The following ORC2 variants were observed in gnomAD, a reference collection of about 807,000 sequenced individuals.
ORC2 encodes origin recognition complex subunit 2.
In ORC2, 37 loss-of-function variants were observed where a neutral mutation model predicts 77.7. The observed-to-expected ratio is 0.48, with a 90% confidence interval of 0.37 to 0.63. The LOEUF (loss-of-function observed/expected upper bound fraction) is 0.63, where lower values mean the gene tolerates loss of function less well. Among genes scored for constraint, ORC2 ranks in the 20% least tolerant of loss-of-function variants. ORC2 has a pLI of 0.00. For synonymous variants in ORC2, 201 were observed against 229.5 expected (o/e 0.88, Z 1.12); for missense variants, 557 against 661.9 (o/e 0.84, Z 1.74).
intron 17 of ORC2, among the ~76,000 whole-genome samples, chr2:200,912,587 CTT>C (rs1000370041): frequency 6.9e-6 from 1 of 145,546 alleles, no homozygotes; most frequent in African/African-American, 2.5e-5. Flanking sequence ...ACAACCAGCT[CTT>C]TTTTTTTTTT....
chr2:200,931,921 C>T (rs1432653128), intron 10 of ORC2, among the ~76,000 whole-genome samples: 1 of 152,148 alleles, frequency 6.6e-6, no homozygotes, highest in Non-Finnish European at 1.5e-5. Flanking sequence ...GTACCCCAAA[C>T]TTGGAAATTC....
intron 10 of ORC2, among the ~76,000 whole-genome samples, chr2:200,932,004 G>A (rs968856189): frequency 6.6e-6 from 1 of 152,086 alleles, no homozygotes. Context: ...CTTCACTTTG[G>A]CACTACCATG....
chr2:200,938,011 A>G lies in ORC2; in HGVS notation c.454-45T>C, dbSNP rs1575169605. ...GCATTAAATAATAACATGGAAATTA[A>G]TGACTGATCTGAGTGAAAGAGGCTA... On this transcript the variant is annotated intron_variant, in intron 7 of 17. Coordinates refer to ENST00000234296, the MANE Select transcript of ORC2 (RefSeq NM_006190.5). 2.2e-6 allele frequency: 3 copies of G among 1,357,388 alleles called. No individual in the cohort carries two copies. The East Asian group carries it at 6.9e-5, about 31-fold the overall frequency. The allele number at this position is 1,357,388 out of a possible 1,614,324, so 84.1% of individuals were successfully genotyped here. A position where few individuals can be genotyped will look rare whatever the true frequency, so the allele number is the denominator to read the frequency against.
Position 200,913,399 on chromosome 2 carries a change from C to A in ORC2, c.1543G>T (p.Asp515Tyr). The A allele has an allele frequency of 6.3e-7, 1 of 1,590,120 alleles. No individual in the cohort carries two copies. The highest frequency in any genetic ancestry group is 1.1e-5 in the South Asian group (1 of 90,636). Residue 515 changes from aspartate to tyrosine, a missense_variant, in exon 17 of 18, where the codon GAT (aspartate) becomes TAT (tyrosine). Coordinates refer to ENST00000234296, the MANE Select transcript of ORC2 (RefSeq NM_006190.5). Reference sequence around the variant, plus strand: ...GCCTCCCGACACTGCTGGTAAAAATCTTGAAAAGAAAGGCCTGGCAAGTTC... The same window carrying A: ...GCCTCCCGACACTGCTGGTAAAAATATTGAAAAGAAAGGCCTGGCAAGTTC... ...NPSYIGLSFQ[D>Y]FYQQCREAFL...
intron 13 of ORC2, chr2:200,921,794 AC>A (rs2040767214): frequency 6.6e-6 from 1 of 151,826 alleles, no homozygotes; most frequent in Admixed American, 6.6e-5. Context: ...GTACCACCAC[AC>A]CTAGCTGATT....
chr2:200,963,647 G>T lies in ORC2; in HGVS notation c.-217C>A. On this transcript the variant is annotated 5_prime_UTR_variant, in exon 1 of 18. Transcript: ENST00000234296. Reference sequence around the variant, plus strand: ...ACCGGGGAGGTAAGGAGCACCGGAGGCCAGCTGGGGGATGGGAAGCCTGCG... The same window carrying T: ...ACCGGGGAGGTAAGGAGCACCGGAGTCCAGCTGGGGGATGGGAAGCCTGCG... 1 of 398,552 alleles carries T rather than the reference G, an allele frequency of 2.5e-6. No individual in the cohort carries two copies. The highest frequency in any genetic ancestry group is 3.6e-5 in the East Asian group (1 of 28,052). 24.7% of individuals were successfully genotyped at this position (398,552 alleles called of 1,614,324 possible).
chr2:200,945,181 T>C (rs1291434080), intron 5 of ORC2, among the ~76,000 whole-genome samples: 1 of 152,258 alleles, frequency 6.6e-6, no homozygotes, highest in Non-Finnish European at 1.5e-5. Flanking sequence ...TGTACAGTTT[T>C]TATTCTTTTC....
chr2:200,918,598 C>T (rs2040700449), intron 15 of ORC2, among the ~76,000 whole-genome samples: 1 of 151,278 alleles, frequency 6.6e-6, no homozygotes, highest in Admixed American at 6.6e-5. Flanking sequence ...AAGCGATTCT[C>T]CCACTTCAGC....
At chr2:200,943,820 CT>C (rs2041199023) in intron 5 of ORC2, among the ~76,000 whole-genome samples, 1 of 141,630 alleles carries the variant, frequency 7.1e-6, no homozygotes, top group African/African-American at 2.6e-5. Flanking sequence ...TTTTTTTAAT[CT>C]TCCCTTGATA....
At chr2:200,954,983 T>C (rs2041442063) in intron 4 of ORC2, among the ~76,000 whole-genome samples, 5 of 152,156 alleles carry the variant, frequency 3.3e-5, no homozygotes, top group Admixed American at 1.3e-4. Flanking sequence ...TCTCAGGCCT[T>C]TGAGGATGCC....
chr2:200,911,454 AG>A (rs1463892749), intron 17 of ORC2, 67 bp from the exon 18 acceptor site: 2 of 828,180 alleles, frequency 2.4e-6, no homozygotes, highest in Non-Finnish European at 1.9e-6. Context: ...TCTATTGTAG[AG>A]GCTAAAGAAA....
intron 15 of ORC2, among the ~76,000 whole-genome samples, chr2:200,915,643 GT>G (rs2040634898): frequency 1.3e-5 from 2 of 151,962 alleles, no homozygotes. Context: ...AATTTTCATT[GT>G]TATGCAGGTC....
intron 4 of ORC2, among the ~76,000 whole-genome samples, chr2:200,955,143 CAACA>C (rs2041444998): frequency 6.6e-6 from 1 of 152,164 alleles, no homozygotes; most frequent in South Asian, 2.1e-4. Flanking sequence ...TGAATTTCTA[CAACA>C]AACATACTAC....
At chr2:200,947,647 C>T (rs546392550) in intron 5 of ORC2, among the ~76,000 whole-genome samples, 1 of 152,160 alleles carries the variant, frequency 6.6e-6, no homozygotes, top group Non-Finnish European at 1.5e-5. Flanking sequence ...TTTCAAAGTG[C>T]TTTCACATAT....
chr2:200,914,465 C>T (rs768618641), intron 15 of ORC2, among the ~76,000 whole-genome samples: 3 of 152,118 alleles, frequency 2.0e-5, no homozygotes, highest in South Asian at 2.1e-4. Context: ...TGTACCCGGC[C>T]CGCTTTTTTA....
At chr2:200,951,879 T>C (rs1181913292) in intron 4 of ORC2, among the ~76,000 whole-genome samples, 2 of 152,254 alleles carry the variant, frequency 1.3e-5, no homozygotes, top group Non-Finnish European at 2.9e-5. Context: ...TTTTAATTAG[T>C]TGAATTTGTC....
At chr2:200,912,840 C>T (rs1258109191) in intron 17 of ORC2, among the ~76,000 whole-genome samples, 3 of 152,174 alleles carry the variant, frequency 2.0e-5, no homozygotes, top group African/African-American at 4.8e-5. Context: ...CATAGGACTT[C>T]CTTACAGTTA....
intron 8 of ORC2, among the ~76,000 whole-genome samples, chr2:200,936,910 A>G (rs2041057393): frequency 6.6e-6 from 1 of 152,318 alleles, no homozygotes; most frequent in East Asian, 1.9e-4. Flanking sequence ...AAAAACTTAA[A>G]CAAATCAGCA....
intron 15 of ORC2, among the ~76,000 whole-genome samples, chr2:200,916,765 C>G (rs541908900): frequency 2.0e-5 from 3 of 146,870 alleles, no homozygotes; most frequent in Admixed American, 2.0e-4. Context: ...TGCAGTGGTG[C>G]GATCTCGGCT....
Sources: allele counts gnomAD v4.1 joint callset (sites outside exome capture counted in the v4.1 genomes callset), GRCh38; gene constraint gnomAD v4.1.1; transcripts MANE v1.5; gene names NCBI Gene and HGNC (gene_info 2026-07-23, HGNC 2026-07-21).